RBFOX1: variants seen among roughly 807,000 people sequenced by gnomAD.
RBFOX1 encodes RNA binding protein fox-1 homolog 1.
In RBFOX1, 8 loss-of-function variants were observed where a neutral mutation model predicts 57.7. The observed-to-expected ratio is 0.14, with a 90% CI of 0.08 to 0.25. RBFOX1 has a LOEUF of 0.25. Ranked by LOEUF, RBFOX1 falls within the 10% of genes least tolerant of loss-of-function variation. RBFOX1 has a pLI of 1.00. For synonymous variants in RBFOX1, 326 were observed against 222.4 expected, an observed-to-expected ratio of 1.47 and a Z score of -4.15; for missense variants, 611 against 548.5, an observed-to-expected ratio of 1.11 and a Z score of -1.14.
Position 7,685,246 on chromosome 16 carries a change from G to C in RBFOX1, c.995+8408G>C, listed in dbSNP as rs146035537. On this transcript the variant is annotated intron_variant, in intron 14 of 15. Coordinates refer to ENST00000550418, the MANE Select transcript of RBFOX1 (RefSeq NM_018723.4). ...TTGTCCTGCCACAAACCTTGCAAGA[G>C]ATAAGAGGATCTATCTTTATAAATT... 1.8e-3 allele frequency among the ~76,000 whole-genome samples: 271 copies of C among 152,172 alleles called. 2 individuals carry two copies. Among genetic ancestry groups the C allele is most frequent in the African/African-American group, 6.3e-3 (263 of 41,538 alleles).
chr16:6,585,823 G>A (rs2097604373), intron 2 of RBFOX1, among the ~76,000 whole-genome samples: 5 of 151,876 alleles, frequency 3.3e-5, no homozygotes, highest in Admixed American at 3.3e-4. Flanking sequence ...TTTGTGTAGG[G>A]GTCTGTGCAT....
chr16:6,747,866 G>T (rs2074092058), intron 3 of RBFOX1, among the ~76,000 whole-genome samples: 1 of 152,068 alleles, frequency 6.6e-6, no homozygotes, highest in African/African-American at 2.4e-5. Context: ...AACTTTCATA[G>T]GCAATCCATA....
intron 3 of RBFOX1, among the ~76,000 whole-genome samples, chr16:6,664,126 C>T (rs111946389): frequency 1.3e-3 from 192 of 152,290 alleles, no homozygotes; most frequent in African/African-American, 4.3e-3. Flanking sequence ...TATGTATGAC[C>T]TTTCAGACTT....
chr16:7,654,268 A>G (rs1401840399), intron 12 of RBFOX1, among the ~76,000 whole-genome samples: 2 of 152,204 alleles, frequency 1.3e-5, no homozygotes, highest in South Asian at 2.1e-4. Context: ...GATTGCAAAC[A>G]TCTGGTTATT....
Position 6,334,505 on chromosome 16 carries a change from C to G in RBFOX1, c.-64+17448C>G, listed in dbSNP as rs920714278. Among the ~76,000 whole-genome samples, 8 of 63,640 alleles carry G rather than the reference C, an allele frequency of 1.3e-4. 1 individual carries two copies. The highest frequency in any genetic ancestry group is 3.0e-4 in the African/African-American group (3 of 9,940). The allele number at this position is 63,640 out of a possible 152,430, so 41.8% of individuals were successfully genotyped here. A position where few individuals can be genotyped will look rare whatever the true frequency, so the allele number is the denominator to read the frequency against. On this transcript the variant is annotated intron_variant, in intron 2 of 15. Transcript: ENST00000550418. ...CCTGGACAACAGAGCAAGATAGCAT[C>G]TCAAAAAAAAAAAAAAAAATCAAAG...
intron 4 of RBFOX1, among the ~76,000 whole-genome samples, chr16:7,069,488 G>T (rs1288186452): frequency 6.6e-6 from 1 of 152,154 alleles, no homozygotes; most frequent in African/African-American, 2.4e-5. Context: ...GAGGATAATG[G>T]CTTCCAGCTT....
At chr16:7,417,404 A>G (rs953400255) in intron 4 of RBFOX1, among the ~76,000 whole-genome samples, 22 of 147,992 alleles carry the variant, frequency 1.5e-4, no homozygotes, top group African/African-American at 5.2e-4. Flanking sequence ...ATGACCCCAT[A>G]TCCTGTTCCC....
intron 1 of RBFOX1, among the ~76,000 whole-genome samples, chr16:5,448,071 C>T (rs1330476470): frequency 1.3e-5 from 2 of 152,158 alleles, no homozygotes; most frequent in Non-Finnish European, 2.9e-5. Context: ...GAATCGAGGT[C>T]AGTTCTTAGA....
chr16:7,051,147 T>C (rs76621687), intron 3 of RBFOX1, among the ~76,000 whole-genome samples: 25 of 152,160 alleles, frequency 1.6e-4, no homozygotes, highest in Non-Finnish European at 2.6e-4. Context: ...TGGAAAGATA[T>C]AGAATAAAGG....
intron 4 of RBFOX1, among the ~76,000 whole-genome samples, chr16:5,976,609 C>T (rs937852116): frequency 6.6e-6 from 1 of 152,138 alleles, no homozygotes; most frequent in Non-Finnish European, 1.5e-5. Flanking sequence ...TGGCTCATAC[C>T]TGCAGTCCCA....
chr16:7,268,030 C>A lies in RBFOX1; in HGVS notation c.27+215932C>A, dbSNP rs144075402. On this transcript the variant is annotated intron_variant, in intron 4 of 15. Transcript: ENST00000550418. ...ACACAAACCCAGATGCTGTAGCCTACGACACATCTAGGCTAGGTGATCTAG... is the reference window on the plus strand; with the variant it reads ...ACACAAACCCAGATGCTGTAGCCTAAGACACATCTAGGCTAGGTGATCTAG... Among the ~76,000 whole-genome samples the A allele has an allele frequency of 2.9e-3, 448 of 152,218 alleles. 1 individual carries two copies. Among genetic ancestry groups the A allele is most frequent in the African/African-American group, 0.01 (428 of 41,516 alleles).
intron 1 of RBFOX1, among the ~76,000 whole-genome samples, chr16:6,130,319 A>G (rs1198022328): frequency 2.0e-5 from 3 of 152,138 alleles, no homozygotes; most frequent in African/African-American, 4.8e-5. Context: ...GAAGCCACAT[A>G]ATATGAACTG....
chr16:6,289,285 G>A (rs67162703), intron 1 of RBFOX1, among the ~76,000 whole-genome samples: 23,783 of 151,948 alleles, frequency 0.16, 2,217 homozygotes, highest in Non-Finnish European at 0.2. Flanking sequence ...AAGGGTGGAG[G>A]TAGGATGGAA....
At chr16:6,928,827 A>C (rs2153470463) in intron 3 of RBFOX1, among the ~76,000 whole-genome samples, 1 of 152,304 alleles carries the variant, frequency 6.6e-6, no homozygotes. Flanking sequence ...ACAGTAACAC[A>C]CACAAAAAAA....
intron 2 of RBFOX1, among the ~76,000 whole-genome samples, chr16:6,385,795 C>G (rs1371748588): frequency 1.3e-5 from 2 of 150,824 alleles, no homozygotes; most frequent in East Asian, 3.9e-4. Flanking sequence ...AAGTTATTCC[C>G]TTGCTGTGAA....
intron 3 of RBFOX1, among the ~76,000 whole-genome samples, chr16:6,866,621 A>G (rs2059972862): frequency 7.6e-6 from 1 of 131,748 alleles, no homozygotes; most frequent in Admixed American, 9.2e-5. Flanking sequence ...GGCTCACTGC[A>G]AGCTCCGCCT....
intron 2 of RBFOX1, among the ~76,000 whole-genome samples, chr16:5,598,235 AAT>A (rs1491459040): frequency 5.1e-4 from 77 of 151,394 alleles, no homozygotes; most frequent in African/African-American, 1.7e-3. Flanking sequence ...AAAAAAAAAA[AAT>A]AAATAAAAAA....
intron 2 of RBFOX1, among the ~76,000 whole-genome samples, chr16:6,325,824 C>T (rs2082308725): frequency 6.6e-6 from 1 of 152,162 alleles, no homozygotes; most frequent in African/African-American, 2.4e-5. Flanking sequence ...GTTTTATTTT[C>T]CTAAAATATA....
intron 2 of RBFOX1, among the ~76,000 whole-genome samples, chr16:6,596,424 A>G (rs1186852496): frequency 6.6e-6 from 1 of 152,220 alleles, no homozygotes; most frequent in Non-Finnish European, 1.5e-5. Flanking sequence ...AGGGTGCGTC[A>G]CTGCAGTTGT....
Sources: allele counts gnomAD v4.1 joint callset (sites outside exome capture counted in the v4.1 genomes callset), GRCh38; gene constraint gnomAD v4.1.1; transcripts MANE v1.5; gene names NCBI Gene and HGNC (gene_info 2026-07-23, HGNC 2026-07-21).